The following SNX7 variants were observed in gnomAD, a reference collection of about 807,000 sequenced individuals.
SNX7 encodes the protein sorting nexin-7.
A neutral mutation model predicts 48.4 loss-of-function variants in SNX7; 35 were observed. That is an observed-to-expected ratio of 0.72 (90% CI 0.55 to 0.96). The LOEUF is 0.96. Ranked by LOEUF, SNX7 falls within the 40% of genes least tolerant of loss-of-function variation. The pLI is 0.00. For missense variants in SNX7, 553 were observed against 548.9 expected, an observed-to-expected ratio of 1.01 and a Z score of -0.07; for synonymous variants, 190 against 190.2, an observed-to-expected ratio of 1.00 and a Z score of 0.01.
intron 8 of SNX7, among the ~76,000 whole-genome samples, chr1:98,745,603 T>G (rs1412730136): frequency 3.3e-5 from 5 of 152,092 alleles, no homozygotes; most frequent in Admixed American, 6.6e-5. Context: ...AGGCTATATT[T>G]CTGGCAAAGC....
intron 7 of SNX7, among the ~76,000 whole-genome samples, chr1:98,715,037 G>T (rs1330412117): frequency 6.6e-6 from 1 of 152,084 alleles, no homozygotes; most frequent in Non-Finnish European, 1.5e-5. Context: ...TTACAAACAA[G>T]AATATTTTCC....
intron 7 of SNX7, among the ~76,000 whole-genome samples, chr1:98,718,621 A>G (rs1318179836): frequency 2.0e-5 from 3 of 152,136 alleles, no homozygotes; most frequent in African/African-American, 7.2e-5. Context: ...CTCAAAATTC[A>G]TAAATTTAGA....
intron 7 of SNX7, among the ~76,000 whole-genome samples, 166 bp downstream of exon 7, chr1:98,702,069 G>T (rs1651779581): frequency 6.6e-6 from 1 of 151,932 alleles, no homozygotes; most frequent in Non-Finnish European, 1.5e-5. Context: ...TTATACATTG[G>T]ATACCATGTG....
rs548368885 is a variant in SNX7, at chr1:98,701,215, CAAG to C, written c.1039-599_1039-597del. On this transcript the variant is annotated intron_variant, in intron 6 of 8. Coordinates refer to ENST00000306121, the MANE Select transcript of SNX7 (RefSeq NM_015976.5). The stretch of plus-strand genomic sequence containing the variant: ...ACTCTGAAACATGAAATCAAGAAAA[CAAG>C]AAACTCCTATCAAAGAGGAGGCTAT... Among the ~76,000 whole-genome samples, 230 of 152,210 alleles carry C rather than the reference CAAG, an allele frequency of 1.5e-3. 2 individuals are homozygous for C. Among genetic ancestry groups the C allele is most frequent in the African/African-American group, 5.2e-3 (218 of 41,550 alleles).
rs766550733 is a variant in SNX7 at position 98,665,117 on chromosome 1, A to G, written c.180+3206A>G. 8.5e-5 allele frequency among the ~76,000 whole-genome samples: 13 copies of G among 152,334 alleles called. No homozygotes were observed. In the East Asian group the frequency reaches 2.3e-3, roughly 27 times the overall value. ...ATACAGTGTATGTGATTAGGCCACA[A>G]TGAAGCACTGAGATGCTTATCTGGT... is the stretch of plus-strand genomic sequence containing the variant. On this transcript the variant is annotated intron_variant, in intron 1 of 8. Coordinates refer to ENST00000306121, the MANE Select transcript of SNX7 (RefSeq NM_015976.5).
intron 4 of SNX7, 68 bp downstream of exon 4, chr1:98,691,767 C>T: frequency 8.0e-7 from 1 of 1,254,858 alleles, no homozygotes; most frequent in Non-Finnish European, 1.1e-6. Context: ...TGTATTGTTC[C>T]TCTTGTTTAC....
chr1:98,664,096 C>G (rs914236810), intron 1 of SNX7, among the ~76,000 whole-genome samples: 2 of 152,282 alleles, frequency 1.3e-5, no homozygotes, highest in African/African-American at 4.8e-5. Context: ...TCAGCCTATC[C>G]TAGGATGGAA....
At chr1:98,663,063 G>A (rs1197103842) in intron 1 of SNX7, among the ~76,000 whole-genome samples, 1 of 152,128 alleles carries the variant, frequency 6.6e-6, no homozygotes, top group East Asian at 1.9e-4. Context: ...TGTAAACTCT[G>A]CCTTTTTATA....
intron 7 of SNX7, 30 bp downstream of exon 7, chr1:98,701,933 T>C: frequency 6.8e-7 from 1 of 1,481,026 alleles, no homozygotes; most frequent in Non-Finnish European, 9.3e-7. Context: ...GATACAATCA[T>C]ATAGAATTCA....
chr1:98,696,589 A>G (rs940853145), intron 5 of SNX7, among the ~76,000 whole-genome samples: 1 of 152,130 alleles, frequency 6.6e-6, no homozygotes, highest in African/African-American at 2.4e-5. Context: ...AGATATAGAA[A>G]AAAATTATAA....
intron 8 of SNX7, among the ~76,000 whole-genome samples, chr1:98,749,093 AAAC>A (rs1255646324): frequency 3.3e-5 from 5 of 152,188 alleles, no homozygotes; most frequent in Non-Finnish European, 5.9e-5. Flanking sequence ...AGCTGTAAGT[AAAC>A]AACAATGATG....
intron 7 of SNX7, among the ~76,000 whole-genome samples, chr1:98,737,371 T>A (rs2101033385): frequency 6.6e-6 from 1 of 152,260 alleles, no homozygotes; most frequent in East Asian, 1.9e-4. Context: ...TTCCCATTTT[T>A]TATTTACCTT....
Position 98,694,467 on chromosome 1 carries a change from A to G in SNX7, c.640-1051A>G, listed in dbSNP as rs1047547942. ...TTCATTTGGCTGAAGTGCTATGTTC[A>G]GGTAGTATCTATTTACAAACCATCC... On this transcript the variant is annotated intron_variant, in intron 4 of 8. Transcript: ENST00000306121. 2.6e-5 allele frequency among the ~76,000 whole-genome samples: 4 copies of G among 151,932 alleles called. No homozygotes were observed. The East Asian group carries it at 5.8e-4, about 22-fold the overall frequency.
chr1:98,725,066 A>G (rs1320841938), intron 7 of SNX7, among the ~76,000 whole-genome samples: 1 of 152,200 alleles, frequency 6.6e-6, no homozygotes, highest in Non-Finnish European at 1.5e-5. Context: ...GGAAAGTTGG[A>G]ATATATGCTC....
At chr1:98,742,150 G>T (rs1047403238) in intron 8 of SNX7, among the ~76,000 whole-genome samples, 2 of 152,068 alleles carry the variant, frequency 1.3e-5, no homozygotes, top group African/African-American at 4.8e-5. Context: ...TGTCCTTTTG[G>T]TCATTTAATG....
intron 8 of SNX7, among the ~76,000 whole-genome samples, chr1:98,746,198 A>G (rs1654301878): frequency 6.6e-6 from 1 of 152,066 alleles, no homozygotes. Flanking sequence ...ACTCAGGGAA[A>G]TCTACATTTA....
At chr1:98,718,183 A>T (rs1051452362) in intron 7 of SNX7, among the ~76,000 whole-genome samples, 3 of 152,114 alleles carry the variant, frequency 2.0e-5, no homozygotes, top group Non-Finnish European at 4.4e-5. Context: ...GTTTTTGTCC[A>T]ATGTCAAATT....
At chr1:98,661,694 CGGCGGCGGT>C, upstream of SNX7, 20 of 1,198,582 alleles carry the variant, frequency 1.7e-5, no homozygotes, top group Non-Finnish European at 2.1e-5. Flanking sequence ...GCCGGGCTGG[CGGCGGCGGT>C]GGCGGCCGGC....
chr1:98,746,118 C>A (rs148006695), intron 8 of SNX7, among the ~76,000 whole-genome samples: 1 of 152,138 alleles, frequency 6.6e-6, no homozygotes, highest in African/African-American at 2.4e-5. Flanking sequence ...CTCCGAGAAA[C>A]TGCCTTCTCA....
Sources: gnomAD v4.1 joint callset for allele counts (sites outside exome capture counted in the v4.1 genomes callset) on GRCh38, gnomAD v4.1.1 for gene constraint, MANE v1.5 for transcripts, NCBI Gene and HGNC (gene_info 2026-07-23, HGNC 2026-07-21) for gene names.